Variants in CEP112 observed in about 807,000 individuals in gnomAD.
The protein encoded by CEP112 is centrosomal protein of 112 kDa.
In CEP112, 127 loss-of-function variants were observed where a neutral mutation model predicts 153.0. The ratio of observed to expected loss-of-function variants is 0.83; its 90% confidence interval spans 0.72 to 0.96. The LOEUF (loss-of-function observed/expected upper bound fraction) is 0.96. Among genes scored for constraint, CEP112 ranks in the 40% least tolerant of loss-of-function variants. The pLI is 0.00. For missense variants in CEP112, 1,089 were observed against 1,101.2 expected (o/e 0.99, Z 0.16); for synonymous variants, 358 against 374.4 (o/e 0.96, Z 0.51).
Position 65,937,538 on chromosome 17 carries a change from C to T in CEP112, c.1873-9849G>A, listed in dbSNP as rs1310178026. The stretch of plus-strand genomic sequence containing the variant: ...CTGAGAAGTGAGGAGCCCCTCTGCC[C>T]GGCCAGCCGCCCCGTCCGGGAGGGA... On this transcript the variant is annotated intron_variant, in intron 18 of 26. Coordinates refer to ENST00000535342, the MANE Select transcript of CEP112 (RefSeq NM_001199165.4). Among the ~76,000 whole-genome samples the T allele has an allele frequency of 6.2e-4, 71 of 114,066 alleles. 1 individual carries two copies. Among genetic ancestry groups the T allele is most frequent in the East Asian group, 2.1e-3 (6 of 2,810 alleles). The allele number at this position is 114,066 out of a possible 152,430, so 74.8% of individuals were successfully genotyped here. A position where few individuals can be genotyped will look rare whatever the true frequency, so the allele number is the denominator to read the frequency against.
At chr17:65,991,099 C>T (rs2063578185) in intron 17 of CEP112, among the ~76,000 whole-genome samples, 1 of 152,200 alleles carries the variant, frequency 6.6e-6, no homozygotes. Context: ...CCTTCTATTA[C>T]AATGGTATAC....
At chr17:66,035,590 C>T (rs538028950) in intron 12 of CEP112, among the ~76,000 whole-genome samples, 1 of 152,194 alleles carries the variant, frequency 6.6e-6, no homozygotes, top group Non-Finnish European at 1.5e-5. Context: ...AATCACACTT[C>T]TGCTTATTTA....
intron 4 of CEP112, among the ~76,000 whole-genome samples, chr17:66,152,303 A>G (rs2071245240): frequency 6.6e-6 from 1 of 152,196 alleles, no homozygotes; most frequent in Non-Finnish European, 1.5e-5. Context: ...AGAGATAGAA[A>G]GCTATACCAT....
intron 8 of CEP112, among the ~76,000 whole-genome samples, chr17:66,089,027 G>A (rs2068041892): frequency 6.6e-6 from 1 of 151,918 alleles, no homozygotes; most frequent in African/African-American, 2.4e-5. Flanking sequence ...CACTCCCATG[G>A]ACCAAAGCAA....
At chr17:65,676,936 G>A (rs887297138) in intron 24 of CEP112, among the ~76,000 whole-genome samples, 1 of 152,070 alleles carries the variant, frequency 6.6e-6, no homozygotes, top group African/African-American at 2.4e-5. Flanking sequence ...GGGGAGCCTG[G>A]CCTGGAGCAC....
intron 17 of CEP112, among the ~76,000 whole-genome samples, chr17:65,986,322 T>C (rs9303499): frequency 0.59 from 89,000 of 152,052 alleles, 27,428 homozygotes; most frequent in African/African-American, 0.72. Flanking sequence ...TGAAAGCAAA[T>C]GTAAATTAGC....
chr17:65,651,641 CTCTCTTTCTT>C lies in CEP112; in HGVS notation c.2698-10586_2698-10577del, dbSNP rs1266349167. Among the ~76,000 whole-genome samples the C allele has an allele frequency of 1.2e-3, 175 of 151,788 alleles. 1 individual carries two copies. The highest frequency in any genetic ancestry group is 8.8e-3 in the Admixed American group (134 of 15,218). ...TTTGATTATGGTCATTCCTTCCTTC[CTCTCTTTCTT>C]TCTCTTTCTTTCTCCTTCCTTCCTT... On this transcript the variant is annotated intron_variant, in intron 24 of 26. Transcript: ENST00000535342.
At chr17:65,758,693 T>C (rs991290109) in intron 21 of CEP112, among the ~76,000 whole-genome samples, 3 of 152,190 alleles carry the variant, frequency 2.0e-5, no homozygotes, top group Admixed American at 2.0e-4. Flanking sequence ...TCTTCAAATA[T>C]CTTTAAAATA....
chr17:65,926,785 C>T (rs754614706), intron 19 of CEP112, among the ~76,000 whole-genome samples: 2 of 152,052 alleles, frequency 1.3e-5, no homozygotes, highest in Non-Finnish European at 2.9e-5. Context: ...AGACTGATGA[C>T]TCATCGAAAA....
At chr17:66,046,869 CA>C (rs2066233067) in intron 12 of CEP112, among the ~76,000 whole-genome samples, 1 of 152,114 alleles carries the variant, frequency 6.6e-6, no homozygotes, top group Admixed American at 6.5e-5. Flanking sequence ...GGACCACCCG[CA>C]GCCACCAGAA....
intron 18 of CEP112, among the ~76,000 whole-genome samples, chr17:65,945,169 A>G (rs1356141616): frequency 2.6e-5 from 4 of 152,182 alleles, no homozygotes; most frequent in East Asian, 3.8e-4. Context: ...ATTTCGTTCA[A>G]CTTTACATCT....
chr17:65,636,785 T>C lies in CEP112; in HGVS notation c.2864+339A>G, dbSNP rs140708535. 622 of 218,572 alleles carry C rather than the reference T, an allele frequency of 2.8e-3. 2 individuals carry two copies. Among genetic ancestry groups the C allele is most frequent in the Non-Finnish European group, 4.8e-3 (536 of 110,638 alleles). 13.5% of individuals were successfully genotyped at this position (218,572 alleles called of 1,614,324 possible). A position where few individuals can be genotyped will look rare whatever the true frequency, so the allele number is the denominator to read the frequency against. ...TGCCACCATACCTAGCTAATTTTTG[T>C]ATTTTTAGTAGAGACAACGTTTTAC... is the stretch of plus-strand genomic sequence containing the variant. On this transcript the variant is annotated intron_variant, in intron 26 of 26. Coordinates refer to ENST00000535342, the MANE Select transcript of CEP112 (RefSeq NM_001199165.4).
chr17:65,896,032 T>C (rs1420804), intron 20 of CEP112, among the ~76,000 whole-genome samples: 50,470 of 151,972 alleles, frequency 0.33, 10,520 homozygotes, highest in Middle Eastern at 0.47. Flanking sequence ...GAACAAAAGA[T>C]AGATTTTTAA....
chr17:66,187,484 C>A (rs541924608), intron 1 of CEP112, among the ~76,000 whole-genome samples: 1 of 152,308 alleles, frequency 6.6e-6, no homozygotes, highest in South Asian at 2.1e-4. Context: ...ATCTCCACAG[C>A]ATCTTCCACT....
chr17:66,079,850 C>T (rs1182042579), intron 8 of CEP112, among the ~76,000 whole-genome samples: 10 of 151,892 alleles, frequency 6.6e-5, no homozygotes, highest in Admixed American at 3.9e-4. Context: ...TCAGAAATAA[C>T]GCCACACATC....
intron 21 of CEP112, among the ~76,000 whole-genome samples, chr17:65,849,495 A>G (rs1435268376): frequency 6.6e-6 from 1 of 152,160 alleles, no homozygotes; most frequent in African/African-American, 2.4e-5. Flanking sequence ...TTCTAATACT[A>G]ATTTTTAAAT....
chr17:65,945,158 G>T (rs2061612276), intron 18 of CEP112, among the ~76,000 whole-genome samples: 1 of 152,112 alleles, frequency 6.6e-6, no homozygotes, highest in Non-Finnish European at 1.5e-5. Flanking sequence ...CTTTGTGGCT[G>T]ATTTCGTTCA....
intron 20 of CEP112, among the ~76,000 whole-genome samples, chr17:65,895,213 A>T (rs1015372609): frequency 6.6e-6 from 1 of 152,084 alleles, no homozygotes; most frequent in Non-Finnish European, 1.5e-5. Flanking sequence ...AGGTAAAAAG[A>T]TCAAAACAGA....
chr17:65,706,335 G>A (rs554374941), intron 23 of CEP112, among the ~76,000 whole-genome samples: 1 of 152,198 alleles, frequency 6.6e-6, no homozygotes, highest in African/African-American at 2.4e-5. Flanking sequence ...GAAAATGGGG[G>A]TGTGCTCAGG....
Sources: allele counts gnomAD v4.1 joint callset (sites outside exome capture counted in the v4.1 genomes callset), GRCh38; gene constraint gnomAD v4.1.1; transcripts MANE v1.5; gene names NCBI Gene and HGNC (gene_info 2026-07-23, HGNC 2026-07-21).